POP1: variants seen among roughly 807,000 people sequenced by gnomAD.
The protein encoded by POP1 is ribonucleases P/MRP protein subunit POP1.
POP1 carries 75 observed loss-of-function variants against 102.2 expected under a neutral mutation model. That is an observed-to-expected ratio of 0.73 (90% confidence interval 0.61 to 0.89). The LOEUF is 0.89. Among genes scored for constraint, POP1 ranks in the 40% least tolerant of loss-of-function variants. The pLI is 0.00. For synonymous variants in POP1, 436 were observed against 464.1 expected (o/e 0.94, Z 0.78); for missense variants, 1,116 against 1,267.4 (o/e 0.88, Z 1.81).
chr8:98,143,924 C>T lies in POP1; in HGVS notation c.1595-2644C>T, dbSNP rs181601451. On this transcript the variant is annotated intron_variant, in intron 11 of 15. Coordinates refer to ENST00000401707, the MANE Select transcript of POP1 (RefSeq NM_001145860.2). The stretch of plus-strand genomic sequence containing the variant: ...ATCCCAGCACTTTGGGAGGCCAAGG[C>T]GGGCAGATCACCTGTGGTCAGGAGT... 3.5e-3 allele frequency among the ~76,000 whole-genome samples: 527 copies of T among 151,982 alleles called. 3 individuals are homozygous for T. Among genetic ancestry groups the T allele is most frequent in the African/African-American group, 0.012 (494 of 41,438 alleles).
intron 14 of POP1, among the ~76,000 whole-genome samples, chr8:98,154,166 G>C (rs1306931016): frequency 6.6e-6 from 1 of 152,216 alleles, no homozygotes; most frequent in Non-Finnish European, 1.5e-5. Context: ...GTAAGATGTA[G>C]AGGGCACCTA....
In POP1 at chr8:98,158,850, G is replaced by T. The variant is rs1454996018; in HGVS notation, c.*579G>T. 2.0e-5 allele frequency: 3 copies of T among 152,496 alleles called. No homozygotes were observed. Among genetic ancestry groups the T allele is most frequent in the African/African-American group, 7.2e-5 (3 of 41,424 alleles). 9.4% of individuals were successfully genotyped at this position (152,496 alleles called of 1,614,324 possible). ...GCACAGTTTATGGCGTCAGTGCTAGGCTGGAATTAGAAAGTGGGGGTCTAT... is the reference window on the plus strand; with the variant it reads ...GCACAGTTTATGGCGTCAGTGCTAGTCTGGAATTAGAAAGTGGGGGTCTAT... On this transcript the variant is annotated 3_prime_UTR_variant, in exon 16 of 16. Transcript: ENST00000401707.
chr8:98,156,306 G>A lies in POP1; in HGVS notation c.2314G>A (p.Val772Ile). 6.2e-7 allele frequency: 1 copy of A among 1,614,180 alleles called. No individual in the cohort carries two copies. The highest frequency in any genetic ancestry group is 1.1e-5 in the South Asian group (1 of 91,082). Residue 772 changes from valine (V) to isoleucine (I), a missense_variant, in exon 15 of 16, where the codon GTA becomes ATA. Coordinates refer to ENST00000401707, the MANE Select transcript of POP1 (RefSeq NM_001145860.2). ...SIEHPREAEE[V>I]MDAGCQESAG... Reference sequence around the variant, plus strand: ...AGAGCACCCCAGGGAGGCAGAGGAGGTAATGGATGCAGGGTGTCAAGAATC... The same window carrying A: ...AGAGCACCCCAGGGAGGCAGAGGAGATAATGGATGCAGGGTGTCAAGAATC...
Position 98,129,727 on chromosome 8 carries a change from A to G in POP1, c.487-251A>G, listed in dbSNP as rs552384640. 3.9e-5 allele frequency among the ~76,000 whole-genome samples: 6 copies of G among 152,326 alleles called. No individual in the cohort carries two copies. In the South Asian group the frequency reaches 1.2e-3, roughly 32 times the overall value. On this transcript the variant is annotated intron_variant, in intron 4 of 15. Transcript: ENST00000401707. ...ATAAGTATTCTGATCTTCATATTCC[A>G]TGAAACTTGCCTAGTTAGTGAGTGA...
rs750817485 is a variant in POP1, at chr8:98,150,491, C to T, written c.1909C>T (p.Arg637Ter). The change falls in exon 14 of 16, where the codon CGA becomes TGA. Residue 637 changes from arginine to a stop codon, truncating the protein, a stop_gained. Coordinates refer to ENST00000401707, the MANE Select transcript of POP1 (RefSeq NM_001145860.2). LOFTEE classifies it high-confidence loss of function. ...GMAFWIPFIY[R>*]GVRVGGLKES... ...TTTTTGACATTTCTTTTAGATTTAT[C>T]GAGGTGTGAGAGTCGGAGGGTTGAA... 3 of 1,613,732 alleles carry T rather than the reference C, an allele frequency of 1.9e-6. No individual in the cohort carries two copies. The highest frequency in any genetic ancestry group is 1.3e-5 in the African/African-American group (1 of 74,894).
At position 98,159,522 on chromosome 8, in the gene POP1, A is replaced by T. The variant is rs1011799234; in HGVS notation, c.*1251A>T. On this transcript the variant is annotated 3_prime_UTR_variant, in exon 16 of 16. Coordinates refer to ENST00000401707, the MANE Select transcript of POP1 (RefSeq NM_001145860.2). ...AGCCTTGGTCCTTACCTTTCCTGCC[A>T]TAACTTTCTAGAAGAGCTTAATGGG... 1 of 152,152 alleles carries T rather than the reference A, an allele frequency of 6.6e-6. No homozygotes were observed. Among genetic ancestry groups the T allele is most frequent in the African/African-American group, 2.4e-5 (1 of 41,402 alleles). The allele number at this position is 152,152 out of a possible 1,614,324, so 9.4% of individuals were successfully genotyped here. A position where few individuals can be genotyped will look rare whatever the true frequency, so the allele number is the denominator to read the frequency against.
chr8:98,148,966 T>C lies in POP1; in HGVS notation c.1862T>C (p.Leu621Pro). ...RLGWGSGWDVLLPKGWGMAFW... is the reference protein window; with the variant it reads ...RLGWGSGWDVPLPKGWGMAFW... ...GGCTGGGGAAGTGGCTGGGATGTCC[T>C]ACTCCCAAAGGGCTGGGGCATGGCT... The change falls in exon 13 of 16, where the codon CTA becomes CCA. Residue 621 changes from leucine to proline, a missense_variant. Transcript: ENST00000401707. 6.2e-7 allele frequency: 1 copy of C among 1,613,662 alleles called. No homozygotes were observed. The highest frequency in any genetic ancestry group is 8.5e-7 in the Non-Finnish European group (1 of 1,179,752).
chr8:98,157,908 C>T lies in POP1; in HGVS notation c.2712C>T (p.Phe904=). The T allele has an allele frequency of 1.2e-6, 2 of 1,614,172 alleles. No individual in the cohort carries two copies. The highest frequency in any genetic ancestry group is 1.7e-6 in the Non-Finnish European group (2 of 1,180,050). ...GPQESKHSDP[F]RSKILKQKEK... ...AGGAATCCAAACACAGTGACCCATT[C>T]AGGAGCAAGATCCTGAAACAGAAAG... Residue 904 remains phenylalanine (F), a synonymous_variant, in exon 16 of 16, where the codon TTC becomes TTT. Coordinates refer to ENST00000401707, the MANE Select transcript of POP1 (RefSeq NM_001145860.2).
At chr8:98,145,450 T>C (rs1816816770) in intron 11 of POP1, among the ~76,000 whole-genome samples, 1 of 152,208 alleles carries the variant, frequency 6.6e-6, no homozygotes, top group Non-Finnish European at 1.5e-5. Flanking sequence ...TGGGAGATGT[T>C]TTTCCCTGGG....
Position 98,158,366 on chromosome 8 carries a change from T to A in POP1, c.*95T>A, listed in dbSNP as rs973554931. On this transcript the variant is annotated 3_prime_UTR_variant, in exon 16 of 16. Transcript: ENST00000401707. ...AATCTGCTTCTGCTTTAAAATATCA[T>A]GTGAAACTCCCTGGAAACAAGAATA... 32 of 1,358,176 alleles carry A rather than the reference T, an allele frequency of 2.4e-5. No individual in the cohort carries two copies. The Middle Eastern group carries it at 7.3e-4, about 31-fold the overall frequency. The allele number at this position is 1,358,176 out of a possible 1,614,324, so 84.1% of individuals were successfully genotyped here.
chr8:98,121,037 C>T (rs1816004111), intron 1 of POP1, among the ~76,000 whole-genome samples: 1 of 152,200 alleles, frequency 6.6e-6, no homozygotes, highest in Non-Finnish European at 1.5e-5. Context: ...CTCGCCTTGG[C>T]CTCCCATAGT....
At position 98,157,694 on chromosome 8, in the gene POP1, C is replaced by A. The variant is rs1423716818; in HGVS notation, c.2498C>A (p.Pro833His). Residue 833 changes from proline (P) to histidine (H), a missense_variant, in exon 16 of 16, where the codon CCC becomes CAC. Transcript: ENST00000401707. ...GATAGTCGGGGAGGCCGGCGAGCTC[C>A]CGGCAGAGGCCAGCAAGGATTGACC... ...SEDSRGGRRAPGRGQQGLTRE... is the reference protein window; with the variant it reads ...SEDSRGGRRAHGRGQQGLTRE... 1 of 1,614,216 alleles carries A rather than the reference C, an allele frequency of 6.2e-7. No individual in the cohort carries two copies. Among genetic ancestry groups the A allele is most frequent in the Non-Finnish European group, 8.5e-7 (1 of 1,180,048 alleles).
chr8:98,134,031 A>T lies in POP1; in HGVS notation c.818A>T (p.Asp273Val), dbSNP rs757508260. 6.2e-7 allele frequency: 1 copy of T among 1,603,664 alleles called. No individual in the cohort carries two copies. Among genetic ancestry groups the T allele is most frequent in the Non-Finnish European group, 8.5e-7 (1 of 1,170,442 alleles). ...GCGCTTTCTGGAATGTGTAACATAG[A>T]CACAGGTAAACTTGTTTTAAAGCTG... ...LKALSGMCNIDTGLTFAAVHC... is the reference protein window; with the variant it reads ...LKALSGMCNIVTGLTFAAVHC... The change falls in exon 6 of 16, where the codon GAC becomes GTC. Residue 273 changes from aspartate to valine, a missense_variant. By Grantham distance (152) the Asp-to-Val change is radical. Coordinates refer to ENST00000401707, the MANE Select transcript of POP1 (RefSeq NM_001145860.2).
rs766714574 is a variant in POP1 at position 98,156,031 on chromosome 8, C to T, written c.2058-19C>T. On this transcript the variant is annotated intron_variant, in intron 14 of 15. Coordinates refer to ENST00000401707, the MANE Select transcript of POP1 (RefSeq NM_001145860.2). ...TCCTAAATTGTTCAACATTGGTTCTCCTGTATGTTTTTCTTTAGACGCCCT... is the reference window on the plus strand; with the variant it reads ...TCCTAAATTGTTCAACATTGGTTCTTCTGTATGTTTTTCTTTAGACGCCCT... The T allele has an allele frequency of 3.1e-6, 5 of 1,611,002 alleles. No individual in the cohort carries two copies. Among genetic ancestry groups the T allele is most frequent in the Admixed American group, 3.3e-5 (2 of 59,868 alleles).
At chr8:98,155,270 G>GTTA (rs59511600) in intron 14 of POP1, among the ~76,000 whole-genome samples, 2,491 of 152,146 alleles carry the variant, frequency 0.016, 77 homozygotes, top group African/African-American at 0.057. Context: ...AGTAGAATTG[G>GTTA]TTATTATTAT....
chr8:98,148,278 C>A (rs1177534252), intron 12 of POP1, among the ~76,000 whole-genome samples: 1 of 152,094 alleles, frequency 6.6e-6, no homozygotes, highest in East Asian at 1.9e-4. Flanking sequence ...ACAGTGATAG[C>A]CCTCTTACCT....
chr8:98,135,911 C>T (rs1816523166), intron 7 of POP1, among the ~76,000 whole-genome samples: 1 of 151,970 alleles, frequency 6.6e-6, no homozygotes, highest in Non-Finnish European at 1.5e-5. Context: ...CTATGTTGCC[C>T]AGGCCATGGT....
chr8:98,117,745 C>T (rs962645998), intron 1 of POP1: 2 of 156,836 alleles, frequency 1.3e-5, no homozygotes, highest in African/African-American at 4.8e-5. Flanking sequence ...CCTGCTCCTC[C>T]TGTGTTCCCT....
chr8:98,136,667 T>G lies in POP1; in HGVS notation c.1197T>G (p.Ile399Met), dbSNP rs1268570322. The change falls in exon 8 of 16, where the codon ATT becomes ATG. Residue 399 changes from isoleucine to methionine, a missense_variant. By Grantham distance (10) the Ile-to-Met change is conservative. Coordinates refer to ENST00000401707, the MANE Select transcript of POP1 (RefSeq NM_001145860.2). ...AAAATGCTAAACCAATTAAAAAAATTATCGGTGATGGAACTAGAGATCCAT... is the reference window on the plus strand; with the variant it reads ...AAAATGCTAAACCAATTAAAAAAATGATCGGTGATGGAACTAGAGATCCAT... ...DGENAKPIKK[I>M]IGDGTRDPCL... 1 of 1,612,876 alleles carries G rather than the reference T, an allele frequency of 6.2e-7. No homozygotes were observed.
Sources: allele counts gnomAD v4.1 joint callset (sites outside exome capture counted in the v4.1 genomes callset), GRCh38; gene constraint gnomAD v4.1.1; transcripts MANE v1.5; gene names NCBI Gene and HGNC (gene_info 2026-07-23, HGNC 2026-07-21).